TLN2: variants seen among roughly 807,000 people sequenced by gnomAD.
The protein encoded by TLN2 is talin-2.
In TLN2, 118 loss-of-function variants were observed where a neutral mutation model predicts 294.7. The ratio of observed to expected loss-of-function variants is 0.40; its 90% CI spans 0.34 to 0.47. The LOEUF (loss-of-function observed/expected upper bound fraction) is 0.47. TLN2 is among the 20% of genes least tolerant of loss of function. The pLI, the probability that TLN2 is intolerant of heterozygous loss-of-function variation, is 0.84. For synonymous variants in TLN2, 1,431 were observed against 1,304.5 expected, an observed-to-expected ratio of 1.10 and a Z score of -2.09; for missense variants, 3,083 against 3,282.2, an observed-to-expected ratio of 0.94 and a Z score of 1.48.
rs1263552782 is a variant in TLN2 at position 62,836,262 on chromosome 15, C to T, written c.7374+189C>T. On this transcript the variant is annotated intron_variant, in intron 57 of 58. Coordinates refer to ENST00000636159, the MANE Select transcript of TLN2 (RefSeq NM_015059.3). ...TGCTGCCCCACCACGCTGCCATTCT[C>T]CTCGTGTGCCTTCTGGTCTCATGCC... 5 of 847,214 alleles carry T rather than the reference C, an allele frequency of 5.9e-6. No individual in the cohort carries two copies. The African/African-American group carries it at 8.4e-5, about 14-fold the overall frequency. 52.5% of individuals were successfully genotyped at this position (847,214 alleles called of 1,614,324 possible).
chr15:62,838,434 A>G (rs1422629472), intron 57 of TLN2, among the ~76,000 whole-genome samples: 1 of 152,200 alleles, frequency 6.6e-6, no homozygotes, highest in Non-Finnish European at 1.5e-5. Context: ...GCTAAGGGAG[A>G]CAAGCGAAAG....
chr15:62,786,634 C>G (rs1302968026), intron 45 of TLN2, among the ~76,000 whole-genome samples: 1 of 152,094 alleles, frequency 6.6e-6, no homozygotes, highest in Non-Finnish European at 1.5e-5. Flanking sequence ...ACTTGAAATA[C>G]TGGATGCCTT....
chr15:62,710,720 CTTTTTTTTTTTTTTTTT>C (rs71287048), intron 21 of TLN2, among the ~76,000 whole-genome samples: 1 of 77,046 alleles, frequency 1.3e-5, no homozygotes, highest in African/African-American at 4.6e-5. Context: ...TGCTGATGTC[CTTTTTTTTTTTTTTTTT>C]TTTTTTTTGA....
intron 2 of TLN2, among the ~76,000 whole-genome samples, chr15:62,607,986 C>T (rs914658584): frequency 1.3e-5 from 2 of 152,176 alleles, no homozygotes. Flanking sequence ...TGCAGACTCT[C>T]TCTGACATTT....
intron 1 of TLN2, among the ~76,000 whole-genome samples, chr15:62,558,896 GC>G (rs1208922381): frequency 2.6e-5 from 4 of 152,162 alleles, no homozygotes; most frequent in African/African-American, 9.7e-5. Flanking sequence ...AAAAGAGGGG[GC>G]AGGATACCTT....
intron 16 of TLN2, among the ~76,000 whole-genome samples, chr15:62,700,179 A>T (rs2058628201): frequency 6.6e-6 from 1 of 152,232 alleles, no homozygotes; most frequent in African/African-American, 2.4e-5. Flanking sequence ...TATAATTGGT[A>T]GAGTTTTAAA....
At chr15:62,628,077 T>C (rs1468213429) in intron 3 of TLN2, among the ~76,000 whole-genome samples, 1 of 152,252 alleles carries the variant, frequency 6.6e-6, no homozygotes, top group East Asian at 1.9e-4. Flanking sequence ...ACTTTCATAA[T>C]TGTGTTGACA....
Position 62,603,191 on chromosome 15 carries a change from C to T in TLN2, c.-162+13429C>T, listed in dbSNP as rs141122525. ...ACAGGCGTGAGCCACCGCGCCCGGC[C>T]GAGGCGTTTGGTTTTACCCCAGTTC... On this transcript the variant is annotated intron_variant, in intron 2 of 58. Coordinates refer to ENST00000636159, the MANE Select transcript of TLN2 (RefSeq NM_015059.3). Among the ~76,000 whole-genome samples the T allele has an allele frequency of 9.9e-5, 15 of 152,280 alleles. No homozygotes were observed. The East Asian group carries it at 2.5e-3, about 25-fold the overall frequency.
chr15:62,799,234 T>G (rs1478383443), intron 48 of TLN2, among the ~76,000 whole-genome samples: 2 of 152,140 alleles, frequency 1.3e-5, no homozygotes, highest in African/African-American at 4.8e-5. Context: ...GACATAAGGG[T>G]TGTGGTTCCC....
At chr15:62,631,324 G>A (rs1159769603) in intron 3 of TLN2, among the ~76,000 whole-genome samples, 1 of 152,092 alleles carries the variant, frequency 6.6e-6, no homozygotes, top group East Asian at 1.9e-4. Flanking sequence ...CATGCAAACC[G>A]TAATAGAGGA....
chr15:62,582,244 A>ACACACACACACACCCC (rs2045168601), intron 1 of TLN2, among the ~76,000 whole-genome samples: 1 of 102,726 alleles, frequency 9.7e-6, no homozygotes, highest in East Asian at 4.6e-4. Flanking sequence ...ACACACACAC[A>ACACACACACACACCCC]CACATTCATG....
intron 1 of TLN2, among the ~76,000 whole-genome samples, chr15:62,492,483 G>C (rs1003402205): frequency 7.3e-5 from 11 of 149,684 alleles, no homozygotes; most frequent in Non-Finnish European, 1.0e-4. Flanking sequence ...CTGAATCCGG[G>C]AGGCAGAAGT....
chr15:62,835,944 C>T lies in TLN2; in HGVS notation c.7245C>T (p.Ser2415=), dbSNP rs2242380. The T allele has an allele frequency of 7.1e-4, 1,149 of 1,614,200 alleles. 25 individuals carry two copies. In the East Asian group the frequency reaches 0.023, roughly 32 times the overall value. Residue 2415 remains serine, a synonymous_variant, in exon 57 of 59, where the codon TCC becomes TCT. Coordinates refer to ENST00000636159, the MANE Select transcript of TLN2 (RefSeq NM_015059.3). The stretch of plus-strand genomic sequence containing the variant: ...GTCTCTGTGAGGCGGCCAATGCCTC[C>T]GTTCAGGGACACGCCAGCGAGGAGA... ...TSSLCEAANA[S]VQGHASEEKL...
At chr15:62,394,276 A>G (rs1409912675) in intron 1 of TLN2, among the ~76,000 whole-genome samples, 1 of 152,136 alleles carries the variant, frequency 6.6e-6, no homozygotes, top group Non-Finnish European at 1.5e-5. Context: ...ACAACTTGTG[A>G]TCTGTGACAT....
At chr15:62,583,397 C>A (rs2045308474) in intron 1 of TLN2, among the ~76,000 whole-genome samples, 1 of 152,144 alleles carries the variant, frequency 6.6e-6, no homozygotes, top group Non-Finnish European at 1.5e-5. Flanking sequence ...AAACAATTGG[C>A]TGTAATAATG....
intron 10 of TLN2, among the ~76,000 whole-genome samples, chr15:62,674,255 G>A (rs2055856416): frequency 6.6e-6 from 1 of 152,138 alleles, no homozygotes. Context: ...TTGGAAATTA[G>A]TGCCTTTTAA....
rs531226348 is a variant in TLN2 at position 62,491,542 on chromosome 15, T to G, written c.-237-98145T>G. On this transcript the variant is annotated intron_variant, in intron 1 of 58. Coordinates refer to ENST00000636159, the MANE Select transcript of TLN2 (RefSeq NM_015059.3). Reference sequence around the variant, plus strand: ...CCCTTCCAAAGTGGGCAATCAGATATGCTCTTATCTCAGTGAGCACAGGGA... The same window carrying G: ...CCCTTCCAAAGTGGGCAATCAGATAGGCTCTTATCTCAGTGAGCACAGGGA... Among the ~76,000 whole-genome samples, 40 of 152,304 alleles carry G rather than the reference T, an allele frequency of 2.6e-4. 1 individual carries two copies. Among genetic ancestry groups the G allele is most frequent in the South Asian group, 1.0e-3 (5 of 4,828 alleles).
chr15:62,582,115 G>A (rs2045102576), intron 1 of TLN2, among the ~76,000 whole-genome samples: 1 of 151,384 alleles, frequency 6.6e-6, no homozygotes, highest in African/African-American at 2.4e-5. Context: ...AGGAAAACGA[G>A]GGCTTAAGCT....
chr15:62,706,600 T>C (rs542214575), intron 19 of TLN2, among the ~76,000 whole-genome samples: 60 of 152,378 alleles, frequency 3.9e-4, no homozygotes, highest in African/African-American at 1.3e-3. Context: ...AAATTTCTGA[T>C]GACGACTTGG....
Sources: gnomAD v4.1 joint callset for allele counts (sites outside exome capture counted in the v4.1 genomes callset) on GRCh38, gnomAD v4.1.1 for gene constraint, MANE v1.5 for transcripts, NCBI Gene and HGNC (gene_info 2026-07-23, HGNC 2026-07-21) for gene names.